Variants in SLIT1 observed in about 807,000 individuals in gnomAD.
SLIT1 encodes the protein slit guidance ligand 1.
A neutral mutation model predicts 186.1 loss-of-function variants in SLIT1; 66 were observed. The observed-to-expected ratio is 0.35, with a 90% confidence interval of 0.29 to 0.44. The LOEUF (loss-of-function observed/expected upper bound fraction) is 0.44, where lower values mean the gene tolerates loss of function less well. SLIT1 is among the 20% of genes least tolerant of loss of function. SLIT1 has a pLI of 1.00. For missense variants in SLIT1, 1,638 were observed against 2,037.4 expected, an observed-to-expected ratio of 0.80 and a Z score of 3.77; for synonymous variants, 761 against 833.8, an observed-to-expected ratio of 0.91 and a Z score of 1.50.
At chr10:97,185,442 C>T (rs1850398835) in intron 1 of SLIT1, 36 bp downstream of exon 1, 1 of 1,595,630 alleles carries the variant, frequency 6.3e-7, no homozygotes, top group Non-Finnish European at 8.5e-7. Flanking sequence ...AGGGCAACCT[C>T]GGAGCCAGGG....
intron 4 of SLIT1, among the ~76,000 whole-genome samples, chr10:97,127,455 C>T (rs1314269386): frequency 6.6e-6 from 1 of 152,182 alleles, no homozygotes; most frequent in African/African-American, 2.4e-5. Flanking sequence ...CTACCAGATG[C>T]AAGGAAGACA....
In SLIT1 at chr10:97,001,643, G is replaced by A. The variant is rs1038918578; in HGVS notation, c.4367-293C>T. Among the ~76,000 whole-genome samples, 12 of 152,272 alleles carry A rather than the reference G, an allele frequency of 7.9e-5. No homozygotes were observed. The East Asian group carries it at 9.7e-4, about 12-fold the overall frequency. On this transcript the variant is annotated intron_variant, in intron 36 of 36. Coordinates refer to ENST00000266058, the MANE Select transcript of SLIT1 (RefSeq NM_003061.3). ...GCGTGCAAGAGAGGCTGGAGGCCCC[G>A]GGGGCAATAACATTATGAAAAGGAT...
intron 32 of SLIT1, among the ~76,000 whole-genome samples, chr10:97,005,500 G>A (rs540017898): frequency 1.3e-5 from 2 of 152,314 alleles, no homozygotes; most frequent in South Asian, 4.2e-4. Context: ...CCATCTCCTT[G>A]GACTCAGCAG....
chr10:97,100,916 T>C (rs143717631), intron 4 of SLIT1, among the ~76,000 whole-genome samples: 1 of 152,324 alleles, frequency 6.6e-6, no homozygotes, highest in Non-Finnish European at 1.5e-5. Context: ...GCTGCGTATT[T>C]CTAGGGACGG....
intron 1 of SLIT1, among the ~76,000 whole-genome samples, chr10:97,180,614 C>T (rs1850323374): frequency 1.3e-5 from 2 of 152,236 alleles, no homozygotes; most frequent in Admixed American, 1.3e-4. Context: ...TGCTGAGTGG[C>T]AGAGTGGGGC....
Position 97,059,534 on chromosome 10 carries a change from G to GC in SLIT1, c.1014-4dup. On this transcript the variant is annotated splice_polypyrimidine_tract_variant and splice_region_variant and intron_variant, in intron 10 of 36. Transcript: ENST00000266058. ...CGATCTGATTGTTGCTCAGGTCTCTGCAAGGTGAGCAGAAGGAGAGGGGGC... is the reference window on the plus strand; with the variant it reads ...CGATCTGATTGTTGCTCAGGTCTCTGCCAAGGTGAGCAGAAGGAGAGGGGGC... 1 of 1,613,360 alleles carries GC rather than the reference G, an allele frequency of 6.2e-7. No individual in the cohort carries two copies. The highest frequency in any genetic ancestry group is 8.5e-7 in the Non-Finnish European group (1 of 1,179,670).
At chr10:97,171,048 G>A (rs1850181212) in intron 1 of SLIT1, among the ~76,000 whole-genome samples, 1 of 151,880 alleles carries the variant, frequency 6.6e-6, no homozygotes, top group African/African-American at 2.4e-5. Flanking sequence ...TTCCTGCAGG[G>A]TCTCAAAAAA....
intron 4 of SLIT1, among the ~76,000 whole-genome samples, chr10:97,105,630 C>A (rs1051229692): frequency 6.6e-6 from 1 of 152,186 alleles, no homozygotes; most frequent in Non-Finnish European, 1.5e-5. Context: ...CAGATCAAAC[C>A]GGGGTCAGAA....
intron 4 of SLIT1, among the ~76,000 whole-genome samples, chr10:97,144,702 A>C (rs542893009): frequency 4.6e-5 from 7 of 152,322 alleles, no homozygotes; most frequent in Non-Finnish European, 1.0e-4. Context: ...GCCAGGATGA[A>C]GCGGGAGCCA....
At position 97,060,632 on chromosome 10, in the gene SLIT1, G is replaced by A. The variant is rs759825477; in HGVS notation, c.941+8C>T. ...TGTGCCCCAGCATCTGCCCTGCCCC[G>A]TACTCACATCTCCGTCATGGTCTCG... is the stretch of plus-strand genomic sequence containing the variant. On this transcript the variant is annotated splice_region_variant and intron_variant, in intron 9 of 36. Transcript: ENST00000266058. 3.8e-5 allele frequency: 61 copies of A among 1,612,348 alleles called. No homozygotes were observed. Among genetic ancestry groups the A allele is most frequent in the Middle Eastern group, 4.1e-4 (2 of 4,854 alleles).
rs971866490 is a variant in SLIT1, at chr10:97,000,574, T to G, written c.*538A>C. ...GGCCAGCAGGAGGCGGCACCCCCGC[T>G]CCAGAGCCTGGCCTACCACCAGCAG... On this transcript the variant is annotated 3_prime_UTR_variant, in exon 37 of 37. Transcript: ENST00000266058. 6.5e-6 allele frequency: 1 copy of G among 152,938 alleles called. No individual in the cohort carries two copies. The highest frequency in any genetic ancestry group is 1.5e-5 in the Non-Finnish European group (1 of 68,618). The allele number at this position is 152,938 out of a possible 1,614,324, so 9.5% of individuals were successfully genotyped here.
At chr10:97,046,921 C>T in intron 17 of SLIT1, 70 bp downstream of exon 17, 2 of 1,557,054 alleles carry the variant, frequency 1.3e-6, no homozygotes, top group Non-Finnish European at 1.8e-6. Flanking sequence ...GCTGCCCCCA[C>T]CCTGGCATTT....
intron 4 of SLIT1, among the ~76,000 whole-genome samples, chr10:97,143,841 G>A (rs182588587): frequency 1.1e-3 from 161 of 152,270 alleles, no homozygotes; most frequent in African/African-American, 2.3e-3. Flanking sequence ...CCAAAGTAAC[G>A]ATACTGTATG....
intron 4 of SLIT1, among the ~76,000 whole-genome samples, chr10:97,133,300 C>G (rs929942841): frequency 6.6e-6 from 1 of 152,206 alleles, no homozygotes; most frequent in Non-Finnish European, 1.5e-5. Context: ...CACCTATAAT[C>G]CCAGCCTTTG....
At chr10:97,100,790 G>C (rs546622280) in intron 4 of SLIT1, among the ~76,000 whole-genome samples, 1 of 152,318 alleles carries the variant, frequency 6.6e-6, no homozygotes, top group Admixed American at 6.5e-5. Flanking sequence ...ACCAAGGAGG[G>C]GCTCCCACTG....
chr10:97,096,454 C>G (rs1193482245), intron 4 of SLIT1, among the ~76,000 whole-genome samples: 1 of 152,136 alleles, frequency 6.6e-6, no homozygotes, highest in Non-Finnish European at 1.5e-5. Flanking sequence ...TCTGGCAGAG[C>G]TGCCTTGCCA....
intron 4 of SLIT1, among the ~76,000 whole-genome samples, chr10:97,108,085 T>C (rs1849430997): frequency 6.6e-6 from 1 of 152,152 alleles, no homozygotes; most frequent in South Asian, 2.1e-4. Context: ...CCTCCTTTCT[T>C]CCCATCTTCC....
chr10:97,142,686 T>C (rs1320013389), intron 4 of SLIT1, among the ~76,000 whole-genome samples: 1 of 152,166 alleles, frequency 6.6e-6, no homozygotes, highest in Admixed American at 6.5e-5. Context: ...AGGCAACTTA[T>C]GGAATGGAAT....
Position 97,014,144 on chromosome 10 carries a change from G to A in SLIT1, c.2984C>T (p.Thr995Ile). 1.2e-6 allele frequency: 2 copies of A among 1,613,866 alleles called. No homozygotes were observed. Among genetic ancestry groups the A allele is most frequent in the Non-Finnish European group, 1.7e-6 (2 of 1,180,042 alleles). ...CCCACAGGTTGGTCCTTCAAAGCCG[G>A]TGGGACAGGAGCACCTGTGCGGGGA... ...EDAPFTCSCP[T>I]GFEGPTCGVN... Residue 995 changes from threonine (T) to isoleucine (I), a missense_variant, in exon 29 of 37, where the codon ACC becomes ATC. By Grantham distance (89) the Thr-to-Ile change is moderately conservative. Transcript: ENST00000266058.
Sources: gnomAD v4.1 joint callset for allele counts (sites outside exome capture counted in the v4.1 genomes callset) on GRCh38, gnomAD v4.1.1 for gene constraint, MANE v1.5 for transcripts, NCBI Gene and HGNC (gene_info 2026-07-23, HGNC 2026-07-21) for gene names.